Variants in LRRTM4 observed in about 807,000 individuals in gnomAD.
The protein encoded by LRRTM4 is leucine-rich repeat transmembrane neuronal protein 4.
A neutral mutation model predicts 47.6 loss-of-function variants in LRRTM4; 25 were observed. That is an observed-to-expected ratio of 0.53 (90% confidence interval 0.38 to 0.73). The LOEUF is 0.73. Among genes scored for constraint, LRRTM4 ranks in the 30% least tolerant of loss-of-function variants. The pLI, the probability that LRRTM4 is intolerant of heterozygous loss-of-function variation, is 0.00. For synonymous variants in LRRTM4, 311 were observed against 269.5 expected (o/e 1.15, Z -1.51); for missense variants, 638 against 713.4 (o/e 0.89, Z 1.20).
intron 3 of LRRTM4, among the ~76,000 whole-genome samples, chr2:77,158,998 C>T (rs898407779): frequency 6.6e-6 from 1 of 152,138 alleles, no homozygotes; most frequent in Admixed American, 6.6e-5. Flanking sequence ...CATAACATAG[C>T]TTAATATTTT....
intron 3 of LRRTM4, among the ~76,000 whole-genome samples, chr2:77,326,902 T>G (rs558223612): frequency 1.3e-5 from 2 of 152,322 alleles, no homozygotes; most frequent in South Asian, 2.1e-4. Flanking sequence ...ACAAAATTTT[T>G]TCTTTGATGC....
intron 3 of LRRTM4, among the ~76,000 whole-genome samples, chr2:77,023,111 TC>T (rs575054591): frequency 2.9e-4 from 44 of 152,248 alleles, no homozygotes; most frequent in Non-Finnish European, 5.0e-4. Flanking sequence ...ACCTGCAGGC[TC>T]AACACCATGT....
intron 3 of LRRTM4, among the ~76,000 whole-genome samples, chr2:77,041,666 T>G (rs944199373): frequency 6.6e-6 from 1 of 151,422 alleles, no homozygotes; most frequent in Non-Finnish European, 1.5e-5. Context: ...GTTGATTACT[T>G]TTTCATACAT....
At chr2:77,072,119 C>T (rs1680173912) in intron 3 of LRRTM4, among the ~76,000 whole-genome samples, 1 of 152,044 alleles carries the variant, frequency 6.6e-6, no homozygotes, top group African/African-American at 2.4e-5. Flanking sequence ...CTGAAAAACT[C>T]AGAGTCATAA....
chr2:77,082,616 T>C (rs1231142724), intron 3 of LRRTM4, among the ~76,000 whole-genome samples: 2 of 152,078 alleles, frequency 1.3e-5, no homozygotes, highest in African/African-American at 4.8e-5. Flanking sequence ...ACAGTAAAGA[T>C]AAGCCAGTGC....
intron 3 of LRRTM4, among the ~76,000 whole-genome samples, chr2:77,319,108 G>A (rs1275680990): frequency 6.6e-6 from 1 of 152,132 alleles, no homozygotes; most frequent in African/African-American, 2.4e-5. Flanking sequence ...CCCTGGGATG[G>A]GCGTGGTGGC....
chr2:76,793,501 T>C (rs1180604980), intron 3 of LRRTM4, among the ~76,000 whole-genome samples: 1 of 152,186 alleles, frequency 6.6e-6, no homozygotes, highest in Non-Finnish European at 1.5e-5. Flanking sequence ...TTTTGATTAA[T>C]TATTTGTGGA....
rs1320166284 is a variant in LRRTM4 at position 76,909,367 on chromosome 2, C to A, written c.1552-160451G>T. 2.0e-5 allele frequency among the ~76,000 whole-genome samples: 3 copies of A among 152,046 alleles called. No individual in the cohort carries two copies. The East Asian group carries it at 5.8e-4, about 29-fold the overall frequency. On this transcript the variant is annotated intron_variant, in intron 3 of 3. Coordinates refer to ENST00000409884, the MANE Select transcript of LRRTM4 (RefSeq NM_001134745.3). ...TTCAAGATGGATTAAAGACTTAAACCTTAGACCTAAATCCATAAAAACCCT... is the reference window on the plus strand; with the variant it reads ...TTCAAGATGGATTAAAGACTTAAACATTAGACCTAAATCCATAAAAACCCT...
At chr2:76,765,685 C>G (rs747657442) in intron 3 of LRRTM4, among the ~76,000 whole-genome samples, 1 of 152,212 alleles carries the variant, frequency 6.6e-6, no homozygotes, top group African/African-American at 2.4e-5. Context: ...CAGAATGAAG[C>G]CTTCCTTGCT....
chr2:77,064,150 A>C (rs1679880454), intron 3 of LRRTM4, among the ~76,000 whole-genome samples: 6 of 152,158 alleles, frequency 3.9e-5, no homozygotes, highest in Admixed American at 3.9e-4. Flanking sequence ...TTAACATTTT[A>C]ATCTCAAAAC....
chr2:76,783,406 C>A (rs143521801), intron 3 of LRRTM4, among the ~76,000 whole-genome samples: 1 of 151,722 alleles, frequency 6.6e-6, no homozygotes, highest in East Asian at 1.9e-4. Flanking sequence ...TAAAATGTAC[C>A]ATTTTAATCG....
At chr2:77,145,477 A>T (rs1672232252) in intron 3 of LRRTM4, among the ~76,000 whole-genome samples, 1 of 151,898 alleles carries the variant, frequency 6.6e-6, no homozygotes, top group African/African-American at 2.4e-5. Flanking sequence ...TTCTCTTAAA[A>T]GTTGTATGTG....
intron 3 of LRRTM4, among the ~76,000 whole-genome samples, chr2:77,367,349 C>T (rs140713626): frequency 6.3e-4 from 95 of 151,326 alleles, no homozygotes; most frequent in African/African-American, 2.2e-3. Context: ...AATTTTTTTT[C>T]ATGATTACAA....
At chr2:76,884,763 T>C (rs1573254979) in intron 3 of LRRTM4, among the ~76,000 whole-genome samples, 1 of 152,022 alleles carries the variant, frequency 6.6e-6, no homozygotes, top group Non-Finnish European at 1.5e-5. Flanking sequence ...TCTAACCTAG[T>C]TCTTCTACTT....
chr2:77,512,189 C>CA (rs1679045932), intron 3 of LRRTM4, among the ~76,000 whole-genome samples: 1 of 152,110 alleles, frequency 6.6e-6, no homozygotes, highest in Non-Finnish European at 1.5e-5. Context: ...GCAGTGATAG[C>CA]ATTATTTTTA....
intron 3 of LRRTM4, among the ~76,000 whole-genome samples, chr2:76,908,883 A>G (rs1349017690): frequency 6.6e-6 from 1 of 152,228 alleles, no homozygotes; most frequent in African/African-American, 2.4e-5. Context: ...GCTCATGGGT[A>G]GGAAGAGTCA....
chr2:77,321,638 C>T (rs1320631668), intron 3 of LRRTM4, among the ~76,000 whole-genome samples: 2 of 150,664 alleles, frequency 1.3e-5, no homozygotes, highest in East Asian at 3.9e-4. Flanking sequence ...TAAGACAAAA[C>T]CGGGGGGAAA....
intron 3 of LRRTM4, among the ~76,000 whole-genome samples, chr2:76,751,453 G>T (rs73940039): frequency 6.8e-4 from 104 of 151,990 alleles, no homozygotes; most frequent in African/African-American, 2.4e-3. Context: ...TACATACTAG[G>T]TCAGAGTTGT....
chr2:77,436,512 G>C (rs1230969724), intron 3 of LRRTM4, among the ~76,000 whole-genome samples: 2 of 151,756 alleles, frequency 1.3e-5, no homozygotes, highest in Non-Finnish European at 2.9e-5. Flanking sequence ...GTCAGAGCTT[G>C]ATGTTAGGAG....
Sources: gnomAD v4.1 joint callset for allele counts (sites outside exome capture counted in the v4.1 genomes callset) on GRCh38, gnomAD v4.1.1 for gene constraint, MANE v1.5 for transcripts, NCBI Gene and HGNC (gene_info 2026-07-23, HGNC 2026-07-21) for gene names.